Variants in CDKL3 observed in about 807,000 individuals in gnomAD.
CDKL3 encodes the protein cyclin-dependent kinase-like 3.
In CDKL3, 65 loss-of-function variants were observed where a neutral mutation model predicts 69.3. The observed-to-expected ratio is 0.94, with a 90% CI of 0.77 to 1.15. CDKL3 has a LOEUF of 1.15. Among genes scored for constraint, CDKL3 ranks in the 50% most tolerant of loss-of-function variants. The pLI, the probability that CDKL3 is intolerant of heterozygous loss-of-function variation, is 0.00. For synonymous variants in CDKL3, 202 were observed against 221.6 expected, an observed-to-expected ratio of 0.91 and a Z score of 0.79; for missense variants, 652 against 689.2, an observed-to-expected ratio of 0.95 and a Z score of 0.61.
At chr5:134,329,994 A>C in intron 4 of CDKL3, among the ~76,000 whole-genome samples, 1 of 151,236 alleles carries the variant, frequency 6.6e-6, no homozygotes, top group African/African-American at 2.4e-5. Context: ...TGGGCAACAG[A>C]GTGAGACCCT....
At chr5:134,315,135 A>G (rs542977608) in intron 6 of CDKL3, among the ~76,000 whole-genome samples, 2 of 152,282 alleles carry the variant, frequency 1.3e-5, no homozygotes, top group African/African-American at 4.8e-5. Context: ...TCAATGGAAC[A>G]GAAACAAACC....
chr5:134,366,351 A>C lies in CDKL3; in HGVS notation c.165+8T>G, dbSNP rs1293841354. On this transcript the variant is annotated splice_region_variant and intron_variant, in intron 2 of 12. Transcript: ENST00000265334. ...TTGACTTAGATGATTAAGGCAAAAG[A>C]AGCAAACCTTTAGAAACTTTATTTC... The C allele has an allele frequency of 9.7e-6, 15 of 1,544,280 alleles. No homozygotes were observed. Among genetic ancestry groups the C allele is most frequent in the Admixed American group, 4.7e-5 (2 of 42,132 alleles).
rs769192746 is a variant in CDKL3 at position 134,304,598 on chromosome 5, AATGTGTC to A, written c.1459-38_1459-32del. 7 of 1,558,006 alleles carry A rather than the reference AATGTGTC, an allele frequency of 4.5e-6. No homozygotes were observed. In the African/African-American group the frequency reaches 9.5e-5, roughly 21 times the overall value. On this transcript the variant is annotated intron_variant, in intron 10 of 12. Transcript: ENST00000265334. The stretch of plus-strand genomic sequence containing the variant: ...CAAACAAACAAGAGTTAGTTGAAGA[AATGTGTC>A]TAACTATTTGTAGAATGACAATCCT...
upstream of CDKL3, among the ~76,000 whole-genome samples, chr5:134,367,828 C>G (rs1232216622): frequency 1.3e-5 from 2 of 152,144 alleles, no homozygotes; most frequent in East Asian, 3.8e-4. Context: ...CCACCATATA[C>G]GAAATGATGT....
chr5:134,291,042 T>A (rs1048772929), intron 8 of CDKL3, among the ~76,000 whole-genome samples: 3 of 152,032 alleles, frequency 2.0e-5, no homozygotes, highest in Non-Finnish European at 4.4e-5. Context: ...GCTGAAAGGA[T>A]GATGTAGGGT....
intron 4 of CDKL3, among the ~76,000 whole-genome samples, chr5:134,348,175 G>A (rs915572241): frequency 6.6e-6 from 1 of 152,130 alleles, no homozygotes; most frequent in Non-Finnish European, 1.5e-5. Flanking sequence ...ACTGCTTGAG[G>A]GCAGGAGTTC....
rs11414446 is a variant in CDKL3, at chr5:134,306,750, C to CTTTTTTT, written c.1365-55_1365-49dup. ...AAGTTACTAAAACTCCCCAGAAATG[C>CTTTTTTT]TTTTTTTTTTTTTTTTTTTTTTTTG... On this transcript the variant is annotated intron_variant, in intron 9 of 12. Coordinates refer to ENST00000265334, the MANE Select transcript of CDKL3 (RefSeq NM_001113575.2). 144 of 227,644 alleles carry CTTTTTTT rather than the reference C, an allele frequency of 6.3e-4. 2 individuals carry two copies. The highest frequency in any genetic ancestry group is 1.5e-3 in the Middle Eastern group (1 of 654). The allele number at this position is 227,644 out of a possible 1,614,324, so 14.1% of individuals were successfully genotyped here.
chr5:134,301,122 C>T (rs779011856), intron 12 of CDKL3, among the ~76,000 whole-genome samples: 46 of 152,012 alleles, frequency 3.0e-4, no homozygotes, highest in Non-Finnish European at 5.3e-4. Flanking sequence ...CTCAGCCTCC[C>T]GAGTAGCTGG....
chr5:134,297,938 G>GTGTA (rs1554075103), downstream of CDKL3, among the ~76,000 whole-genome samples: 24 of 139,766 alleles, frequency 1.7e-4, no homozygotes, highest in South Asian at 6.8e-4. Flanking sequence ...GTGTGTGTGT[G>GTGTA]TGTGTGTGTT....
chr5:134,317,953 G>GAA (rs1771609475), intron 6 of CDKL3, among the ~76,000 whole-genome samples: 1 of 151,664 alleles, frequency 6.6e-6, no homozygotes, highest in Non-Finnish European at 1.5e-5. Context: ...GGCACGGTGG[G>GAA]TCACGCCTGT....
intron 4 of CDKL3, among the ~76,000 whole-genome samples, chr5:134,323,727 C>A (rs1225939928): frequency 6.6e-6 from 1 of 152,088 alleles, no homozygotes; most frequent in East Asian, 1.9e-4. Context: ...AGATGATAGA[C>A]CTAAATATAA....
chr5:134,316,285 C>A (rs1771039401), intron 6 of CDKL3, among the ~76,000 whole-genome samples: 1 of 152,138 alleles, frequency 6.6e-6, no homozygotes, highest in Non-Finnish European at 1.5e-5. Context: ...AAAAATAAAA[C>A]AAATGCATAT....
chr5:134,358,261 G>C (rs968803000), intron 3 of CDKL3, among the ~76,000 whole-genome samples: 12 of 152,014 alleles, frequency 7.9e-5, no homozygotes, highest in Non-Finnish European at 1.3e-4. Context: ...ACTCTCTGAA[G>C]TCCCCTGCTC....
At chr5:134,331,300 T>A (rs1049481624) in intron 4 of CDKL3, among the ~76,000 whole-genome samples, 3 of 152,210 alleles carry the variant, frequency 2.0e-5, no homozygotes, top group Admixed American at 1.3e-4. Flanking sequence ...TTTCTTTTTT[T>A]AATTTAATTT....
chr5:134,352,247 T>G (rs1753481771), intron 3 of CDKL3, among the ~76,000 whole-genome samples: 1 of 152,160 alleles, frequency 6.6e-6, no homozygotes. Flanking sequence ...TGCTCCATTG[T>G]GTATACATAC....
chr5:134,359,270 C>T (rs995064194), intron 3 of CDKL3, among the ~76,000 whole-genome samples: 1 of 152,014 alleles, frequency 6.6e-6, no homozygotes, highest in Non-Finnish European at 1.5e-5. Context: ...TGTACTCCAG[C>T]CTGGGCAACG....
chr5:134,297,797 G>C (rs1207677859), downstream of CDKL3, among the ~76,000 whole-genome samples: 1 of 151,582 alleles, frequency 6.6e-6, no homozygotes, highest in African/African-American at 2.4e-5. Context: ...GGTCAGGCTG[G>C]TCTCAAACTC....
intron 3 of CDKL3, among the ~76,000 whole-genome samples, chr5:134,356,005 A>G (rs73289860): frequency 0.13 from 20,479 of 152,204 alleles, 1,659 homozygotes; most frequent in African/African-American, 0.21. Flanking sequence ...GGATGCTTCA[A>G]GTGCATTACA....
At chr5:134,320,692 A>G (rs1054765762) in intron 5 of CDKL3, among the ~76,000 whole-genome samples, 6 of 151,742 alleles carry the variant, frequency 4.0e-5, no homozygotes, top group Admixed American at 3.3e-4. Context: ...TGGCTAACAC[A>G]GTGAAACCCC....
Sources: allele counts gnomAD v4.1 joint callset (sites outside exome capture counted in the v4.1 genomes callset), GRCh38; gene constraint gnomAD v4.1.1; transcripts MANE v1.5; gene names NCBI Gene and HGNC (gene_info 2026-07-23, HGNC 2026-07-21).